Variants in COL4A6 observed in about 807,000 individuals in gnomAD.
COL4A6 encodes collagen alpha-6(IV) chain.
In COL4A6, 59 loss-of-function variants were observed where a neutral mutation model predicts 126.7. The observed-to-expected ratio is 0.47, with a 90% CI of 0.38 to 0.58. COL4A6 has a LOEUF of 0.58. COL4A6 is among the 20% of genes least tolerant of loss of function. The probability of loss-of-function intolerance (pLI) is 0.00; values close to 1 mark genes in which losing one functional copy is unlikely to be tolerated. For missense variants in COL4A6, 1,285 were observed against 1,337.3 expected, an observed-to-expected ratio of 0.96 and a Z score of 0.61; for synonymous variants, 547 against 496.6, an observed-to-expected ratio of 1.10 and a Z score of -1.35.
At chrX:108,321,508 T>C (rs1183768627) in intron 2 of COL4A6, among the ~76,000 whole-genome samples, 1 of 111,431 alleles carries the variant, frequency 9.0e-6, no homozygotes, top group Non-Finnish European at 1.9e-5. Flanking sequence ...ACAATATTAT[T>C]TGTACTGTGT....
At chrX:108,255,149 G>A (rs975676455) in intron 3 of COL4A6, among the ~76,000 whole-genome samples, 5 of 83,681 alleles carry the variant, frequency 6.0e-5, no homozygotes, top group Non-Finnish European at 1.1e-4. Context: ...TATTAGTTTT[G>A]CTGATTGCTC....
chrX:108,174,292 C>T (rs1360742937), intron 31 of COL4A6, 148 bp downstream of exon 31: 2 of 529,979 alleles, frequency 3.8e-6, no homozygotes, highest in Admixed American at 3.6e-5. Flanking sequence ...GAAGACCTGT[C>T]AGACTCAAGG....
At chrX:108,403,282 C>CTCTCT (rs2041134251) in intron 2 of COL4A6, among the ~76,000 whole-genome samples, 14 of 75,264 alleles carry the variant, frequency 1.9e-4, no homozygotes, top group East Asian at 7.5e-4. Flanking sequence ...CTCTCTCTCT[C>CTCTCT]ATCTTGTTTT....
At chrX:108,287,606 C>T (rs747260862) in intron 3 of COL4A6, among the ~76,000 whole-genome samples, 3 of 111,600 alleles carry the variant, frequency 2.7e-5, no homozygotes, top group Non-Finnish European at 5.6e-5. Context: ...ATTTACAGCC[C>T]TATATGATCT....
chrX:108,217,805 T>C (rs1265296690), intron 5 of COL4A6, among the ~76,000 whole-genome samples: 1 of 111,494 alleles, frequency 9.0e-6, no homozygotes, highest in East Asian at 2.8e-4. Flanking sequence ...GCTAGGGCAA[T>C]CAGAAGTCAA....
intron 3 of COL4A6, among the ~76,000 whole-genome samples, chrX:108,262,928 T>C (rs1397382949): frequency 9.0e-6 from 1 of 111,485 alleles, no homozygotes; most frequent in Non-Finnish European, 1.9e-5. Context: ...TCAAAAACCT[T>C]TCTTTAGACT....
chrX:108,221,849 C>T (rs2036026699), intron 3 of COL4A6, among the ~76,000 whole-genome samples: 1 of 112,754 alleles, frequency 8.9e-6, no homozygotes, highest in Admixed American at 9.3e-5. Flanking sequence ...GCCCAGAAAC[C>T]TACAGGCTGA....
intron 2 of COL4A6, among the ~76,000 whole-genome samples, chrX:108,437,173 CT>C (rs1388108049): frequency 8.9e-6 from 1 of 112,084 alleles, no homozygotes; most frequent in Non-Finnish European, 1.9e-5. Context: ...ATTTGGGTCA[CT>C]CCATCTTTGT....
intron 2 of COL4A6, among the ~76,000 whole-genome samples, chrX:108,344,623 A>AT (rs112752457): frequency 1.2e-3 from 135 of 112,062 alleles, no homozygotes; most frequent in African/African-American, 4.0e-3. Context: ...TCAACAATTC[A>AT]TTTCCAATGA....
At chrX:108,340,367 G>C (rs1233192923) in intron 2 of COL4A6, among the ~76,000 whole-genome samples, 1 of 111,224 alleles carries the variant, frequency 9.0e-6, no homozygotes, top group Non-Finnish European at 1.9e-5. Flanking sequence ...TGTGGTTAAT[G>C]GCTACCATGT....
At chrX:108,272,866 T>C (rs1427951831) in intron 3 of COL4A6, among the ~76,000 whole-genome samples, 1 of 110,718 alleles carries the variant, frequency 9.0e-6, no homozygotes, top group Non-Finnish European at 1.9e-5. Flanking sequence ...TAAAGTAAAA[T>C]ATCTATGAGT....
intron 32 of COL4A6, 86 bp from the exon 33 acceptor site, chrX:108,171,547 T>G (rs1347340240): frequency 7.2e-6 from 6 of 839,126 alleles, no homozygotes; most frequent in Non-Finnish European, 1.0e-5. Flanking sequence ...ACATTTTTTT[T>G]TTCAGATTCA....
intron 2 of COL4A6, among the ~76,000 whole-genome samples, chrX:108,312,741 C>T: frequency 8.9e-6 from 1 of 111,800 alleles, no homozygotes; most frequent in African/African-American, 3.2e-5. Context: ...TAAAAGTCAT[C>T]CCCTTCAAGG....
At chrX:108,218,181 T>A (rs1253600028) in intron 5 of COL4A6, among the ~76,000 whole-genome samples, 1 of 112,284 alleles carries the variant, frequency 8.9e-6, no homozygotes, top group Non-Finnish European at 1.9e-5. Context: ...AGGAAGGGCA[T>A]ACTAAGACGG....
chrX:108,354,273 G>A (rs2039907891), intron 2 of COL4A6, among the ~76,000 whole-genome samples: 2 of 111,948 alleles, frequency 1.8e-5, no homozygotes, highest in South Asian at 3.8e-4. Flanking sequence ...TGCACCGGAT[G>A]CAAAGGGAAT....
In COL4A6 at chrX:108,419,038, C is replaced by G. The variant is rs149692174; in HGVS notation, c.63+18904G>C. 3.5e-3 allele frequency among the ~76,000 whole-genome samples: 393 copies of G among 112,167 alleles called. 1 individual carries two copies. The highest frequency in any genetic ancestry group is 5.5e-3 in the Non-Finnish European group (293 of 53,217). ...GCTAGTGCCTTCTCTTAAGCCCTTA[C>G]TAGTAGAAAATTTGCTTAAGACAAG... On this transcript the variant is annotated intron_variant, in intron 2 of 44. Transcript: ENST00000334504.
intron 37 of COL4A6, among the ~76,000 whole-genome samples, chrX:108,165,910 G>A (rs184496243): frequency 8.0e-5 from 9 of 112,781 alleles, no homozygotes; most frequent in East Asian, 5.5e-4. Context: ...GTTACAGAAC[G>A]TAGGCCACAG....
chrX:108,386,204 G>T (rs1000915397), intron 2 of COL4A6, among the ~76,000 whole-genome samples: 2 of 111,794 alleles, frequency 1.8e-5, no homozygotes, highest in Non-Finnish European at 3.8e-5. Flanking sequence ...CTTTATAGTA[G>T]AATGATTTAT....
At chrX:108,323,515 A>C (rs2039078422) in intron 2 of COL4A6, among the ~76,000 whole-genome samples, 1 of 111,835 alleles carries the variant, frequency 8.9e-6, no homozygotes. Context: ...CATGATATTT[A>C]AGGGCACTCA....
Sources: allele counts gnomAD v4.1 joint callset (sites outside exome capture counted in the v4.1 genomes callset), GRCh38; gene constraint gnomAD v4.1.1; transcripts MANE v1.5; gene names NCBI Gene and HGNC (gene_info 2026-07-23, HGNC 2026-07-21).